Variants in WWOX observed in about 807,000 individuals in gnomAD.
WWOX encodes the protein WW domain containing oxidoreductase.
WWOX carries 69 observed loss-of-function variants against 46.2 expected under a neutral mutation model. The observed-to-expected ratio is 1.49, with a 90% CI of 1.23 to 1.82. WWOX has a LOEUF of 1.82. Among genes scored for constraint, WWOX ranks in the 40% most tolerant of loss-of-function variants. WWOX has a pLI of 0.00. For missense variants in WWOX, 919 were observed against 542.6 expected (o/e 1.69, Z -6.89); for synonymous variants, 359 against 202.6 (o/e 1.77, Z -6.56).
chr16:78,216,429 T>C (rs893364537), intron 5 of WWOX, among the ~76,000 whole-genome samples: 40 of 152,186 alleles, frequency 2.6e-4, no homozygotes, highest in African/African-American at 9.6e-4. Context: ...AAATGTATTG[T>C]CTTTCAGTTC....
chr16:78,117,855 G>A (rs2032882941), intron 4 of WWOX, among the ~76,000 whole-genome samples: 1 of 152,024 alleles, frequency 6.6e-6, no homozygotes, highest in Non-Finnish European at 1.5e-5. Context: ...GTTTTCTTTG[G>A]ATAAACCGTG....
intron 8 of WWOX, among the ~76,000 whole-genome samples, chr16:78,951,686 G>T (rs77726857): frequency 1.3e-5 from 2 of 152,102 alleles, no homozygotes; most frequent in Non-Finnish European, 1.5e-5. Flanking sequence ...TCAGGACTGC[G>T]GTTCTACCCA....
intron 8 of WWOX, among the ~76,000 whole-genome samples, chr16:79,132,023 C>T (rs971013547): frequency 6.6e-6 from 1 of 152,040 alleles, no homozygotes; most frequent in African/African-American, 2.4e-5. Context: ...TTGTCTCCCT[C>T]CAGGTCCCTT....
At chr16:78,952,169 C>A (rs142331265) in intron 8 of WWOX, among the ~76,000 whole-genome samples, 415 of 152,166 alleles carry the variant, frequency 2.7e-3, no homozygotes, top group African/African-American at 9.3e-3. Flanking sequence ...TGGCTTCCTG[C>A]AGTTGCCCTC....
chr16:78,814,419 A>C (rs964923398), intron 8 of WWOX, among the ~76,000 whole-genome samples: 1 of 152,132 alleles, frequency 6.6e-6, no homozygotes, highest in African/African-American at 2.4e-5. Context: ...TGTAATCCTT[A>C]CATCCCCTAA....
At chr16:78,849,879 C>G (rs773203563) in intron 8 of WWOX, among the ~76,000 whole-genome samples, 69 of 152,164 alleles carry the variant, frequency 4.5e-4, no homozygotes, top group Non-Finnish European at 7.2e-4. Flanking sequence ...TCGCGACCAG[C>G]CTGACCAACA....
chr16:79,056,274 T>TA (rs1433783200), intron 8 of WWOX, among the ~76,000 whole-genome samples: 1 of 151,580 alleles, frequency 6.6e-6, no homozygotes, highest in Non-Finnish European at 1.5e-5. Context: ...CCAGAACACT[T>TA]AAACTTTGGA....
At chr16:78,492,837 C>T (rs1322310529) in intron 8 of WWOX, among the ~76,000 whole-genome samples, 4 of 152,124 alleles carry the variant, frequency 2.6e-5, no homozygotes, top group Non-Finnish European at 4.4e-5. Context: ...GCCTGCTAGG[C>T]CGAATACTTG....
chr16:78,472,853 T>C (rs1234853723), intron 8 of WWOX, among the ~76,000 whole-genome samples: 2 of 150,328 alleles, frequency 1.3e-5, no homozygotes, highest in Non-Finnish European at 3.0e-5. Flanking sequence ...CATTTCGTTG[T>C]CACAGCGTCA....
chr16:78,316,217 G>T (rs1357283214), intron 5 of WWOX, among the ~76,000 whole-genome samples: 1 of 152,070 alleles, frequency 6.6e-6, no homozygotes, highest in East Asian at 1.9e-4. Context: ...GTGTACTCCA[G>T]TCTGGGCAAC....
At position 78,203,815 on chromosome 16, in the gene WWOX, C is replaced by T. The variant is rs190489490; in HGVS notation, c.516+39526C>T. On this transcript the variant is annotated intron_variant, in intron 5 of 8. Coordinates refer to ENST00000566780, the MANE Select transcript of WWOX (RefSeq NM_016373.4). ...ACTGGTGTGGTCGTGACAGATGAATCACATTTTACTCTCCTCCCTTTCTCA... is the reference window on the plus strand; with the variant it reads ...ACTGGTGTGGTCGTGACAGATGAATTACATTTTACTCTCCTCCCTTTCTCA... 1.6e-3 allele frequency among the ~76,000 whole-genome samples: 241 copies of T among 152,324 alleles called. 1 individual carries two copies. The highest frequency in any genetic ancestry group is 3.1e-3 in the Non-Finnish European group (209 of 68,020).
At chr16:79,082,475 C>A (rs1411689121) in intron 8 of WWOX, among the ~76,000 whole-genome samples, 4 of 152,162 alleles carry the variant, frequency 2.6e-5, no homozygotes, top group Non-Finnish European at 5.9e-5. Context: ...ACTTCTCTGG[C>A]CACTTTATAG....
At chr16:78,795,130 T>C (rs893327391) in intron 8 of WWOX, among the ~76,000 whole-genome samples, 8 of 152,126 alleles carry the variant, frequency 5.3e-5, no homozygotes, top group East Asian at 1.9e-4. Flanking sequence ...GGTGATGATA[T>C]TGATAATGAC....
chr16:78,467,862 G>C (rs1051390780), intron 8 of WWOX, among the ~76,000 whole-genome samples: 2 of 152,144 alleles, frequency 1.3e-5, no homozygotes, highest in Non-Finnish European at 2.9e-5. Context: ...TAGGTGCCCT[G>C]TCTTCCTGGA....
chr16:78,577,230 T>C lies in WWOX; in HGVS notation c.1056+144478T>C, dbSNP rs139675945. The stretch of plus-strand genomic sequence containing the variant: ...GCTTCAGAAGGGAAATTGTATGCCT[T>C]ACAAGGAGGTGAGAGGATGGAAAAT... On this transcript the variant is annotated intron_variant, in intron 8 of 8. Coordinates refer to ENST00000566780, the MANE Select transcript of WWOX (RefSeq NM_016373.4). Among the ~76,000 whole-genome samples, 225 of 152,330 alleles carry C rather than the reference T, an allele frequency of 1.5e-3. 2 individuals are homozygous for C. Among genetic ancestry groups the C allele is most frequent in the African/African-American group, 5.1e-3 (214 of 41,584 alleles).
intron 8 of WWOX, among the ~76,000 whole-genome samples, chr16:79,171,482 A>T (rs2050698194): frequency 6.6e-6 from 1 of 152,158 alleles, no homozygotes; most frequent in Non-Finnish European, 1.5e-5. Context: ...CTTTCACATC[A>T]GTTTGCTACC....
intron 8 of WWOX, chr16:78,552,426 A>G (rs1055434939): frequency 6.6e-6 from 1 of 152,220 alleles, no homozygotes; most frequent in African/African-American, 2.4e-5. Flanking sequence ...TTTACAGTTT[A>G]TACAGTTTTG....
chr16:79,145,835 C>G (rs1038456651), intron 8 of WWOX, among the ~76,000 whole-genome samples: 3 of 151,978 alleles, frequency 2.0e-5, no homozygotes, highest in African/African-American at 4.8e-5. Flanking sequence ...AAACCCCATT[C>G]AAAATATTAA....
intron 8 of WWOX, among the ~76,000 whole-genome samples, chr16:78,975,616 A>C (rs929809463): frequency 2.6e-5 from 4 of 152,150 alleles, no homozygotes; most frequent in African/African-American, 9.7e-5. Context: ...GAAAGGGTGA[A>C]CAGTGTTTAT....
Sources: allele counts gnomAD v4.1 joint callset (sites outside exome capture counted in the v4.1 genomes callset), GRCh38; gene constraint gnomAD v4.1.1; transcripts MANE v1.5; gene names NCBI Gene and HGNC (gene_info 2026-07-23, HGNC 2026-07-21).